Variants in ASH1L observed in about 807,000 individuals in gnomAD.
ASH1L encodes histone-lysine N-methyltransferase ASH1L.
A neutral mutation model predicts 269.0 loss-of-function variants in ASH1L; 23 were observed. That is an observed-to-expected ratio of 0.09 (90% CI 0.06 to 0.12). ASH1L has a LOEUF of 0.12. Ranked by LOEUF, ASH1L falls within the 10% of genes least tolerant of loss-of-function variation. The probability of loss-of-function intolerance (pLI) is 1.00; values close to 1 mark genes in which losing one functional copy is unlikely to be tolerated. For synonymous variants in ASH1L, 1,187 were observed against 1,253.5 expected (o/e 0.95, Z 1.12); for missense variants, 2,912 against 3,567.8 (o/e 0.82, Z 4.68).
At chr1:155,515,045 C>T (rs1299612543) in intron 2 of ASH1L, among the ~76,000 whole-genome samples, 2 of 152,120 alleles carry the variant, frequency 1.3e-5, no homozygotes, top group Non-Finnish European at 2.9e-5. Context: ...TCATGGTCAC[C>T]GTTTGGTGGT....
chr1:155,429,946 C>A (rs1386346101), intron 5 of ASH1L, among the ~76,000 whole-genome samples: 1 of 151,970 alleles, frequency 6.6e-6, no homozygotes, highest in African/African-American at 2.4e-5. Flanking sequence ...GCTGGGACTA[C>A]AGGCACACAT....
At chr1:155,393,474 C>A (rs1178184906) in intron 7 of ASH1L, among the ~76,000 whole-genome samples, 6 of 152,018 alleles carry the variant, frequency 3.9e-5, no homozygotes, top group Non-Finnish European at 7.4e-5. Context: ...TTAATGAACC[C>A]CTTTAAAGCA....
chr1:155,484,938 AAAAAAC>A (rs985821355), intron 2 of ASH1L, among the ~76,000 whole-genome samples: 186 of 134,870 alleles, frequency 1.4e-3, no homozygotes, highest in Middle Eastern at 4.0e-3. Flanking sequence ...CAAAAAAAAA[AAAAAAC>A]AAAAACAAAA....
intron 12 of ASH1L, among the ~76,000 whole-genome samples, chr1:155,367,575 G>A (rs1270182861): frequency 6.6e-6 from 1 of 152,012 alleles, no homozygotes; most frequent in East Asian, 1.9e-4. Flanking sequence ...TATAATGGTA[G>A]CTAAAGATTT....
chr1:155,346,529 G>A (rs1209509631), intron 20 of ASH1L, 60 bp from the exon 21 acceptor site: 2 of 1,456,574 alleles, frequency 1.4e-6, no homozygotes, highest in African/African-American at 1.4e-5. Context: ...GAGTGTCCTG[G>A]GAGCCCAGAA....
intron 16 of ASH1L, among the ~76,000 whole-genome samples, chr1:155,353,115 A>C (rs1176054172): frequency 1.3e-5 from 2 of 152,220 alleles, no homozygotes; most frequent in Non-Finnish European, 2.9e-5. Flanking sequence ...CTGGGCTTCA[A>C]AATGAATCTA....
At chr1:155,523,338 AC>A (rs1340090226) in intron 1 of ASH1L, among the ~76,000 whole-genome samples, 4 of 152,086 alleles carry the variant, frequency 2.6e-5, no homozygotes, top group Non-Finnish European at 5.9e-5. Flanking sequence ...CTAAAAAAGT[AC>A]AAAAATTAGC....
intron 3 of ASH1L, among the ~76,000 whole-genome samples, chr1:155,472,833 C>T (rs1665206404): frequency 6.6e-6 from 1 of 152,122 alleles, no homozygotes; most frequent in African/African-American, 2.4e-5. Flanking sequence ...GTGTAGAGAT[C>T]ATCACAAAGA....
Position 155,354,547 on chromosome 1 carries a change from C to G in ASH1L, c.7139G>C (p.Ser2380Thr). Residue 2380 changes from serine (S) to threonine (T), a missense_variant, in exon 16 of 28, where the codon AGT (serine) becomes ACT (threonine). Around this residue, in one of 13 missense-constraint regions of ASH1L, gnomAD observed 309 missense variants for 435.1 expected, o/e 0.71. Coordinates refer to ENST00000392403, the MANE Select transcript of ASH1L (RefSeq NM_018489.3). ...TAATGATGCTGAGTGAATATTATCA[C>G]TGGTGTGCTTTACTTCCTCCTGTTT... ...RQKQEEVKHT[S>T]DNIHSASLYT... The G allele has an allele frequency of 6.2e-7, 1 of 1,614,004 alleles. No individual in the cohort carries two copies. Among genetic ancestry groups the G allele is most frequent in the Admixed American group, 1.7e-5 (1 of 59,964 alleles).
intron 1 of ASH1L, among the ~76,000 whole-genome samples, chr1:155,548,650 G>T (rs1422576872): frequency 6.6e-6 from 1 of 152,180 alleles, no homozygotes. Context: ...ATTATCAAAA[G>T]ATTCTCTTTT....
At chr1:155,551,062 C>A (rs1259195602) in intron 1 of ASH1L, among the ~76,000 whole-genome samples, 1 of 152,098 alleles carries the variant, frequency 6.6e-6, no homozygotes, top group Admixed American at 6.6e-5. Flanking sequence ...CTCAAGCAAT[C>A]CCCCCACCTC....
At chr1:155,368,601 C>T (rs996536195) in intron 12 of ASH1L, among the ~76,000 whole-genome samples, 2 of 151,918 alleles carry the variant, frequency 1.3e-5, no homozygotes, top group African/African-American at 4.8e-5. Context: ...GGATTACAAG[C>T]GCCTACCACC....
At chr1:155,452,183 C>T (rs1212715687) in intron 4 of ASH1L, among the ~76,000 whole-genome samples, 1 of 151,212 alleles carries the variant, frequency 6.6e-6, no homozygotes, top group African/African-American at 2.4e-5. Context: ...GGATTACAGG[C>T]GCCCGCCATC....
Position 155,348,812 on chromosome 1 carries a change from T to G in ASH1L, c.7554+515A>C, listed in dbSNP as rs575265043. On this transcript the variant is annotated intron_variant, in intron 19 of 27. Coordinates refer to ENST00000392403, the MANE Select transcript of ASH1L (RefSeq NM_018489.3). ...AGGAGAATCGCTTGAACCCGGGAGG[T>G]GGAGGTTGCAGTGAGCTGAGATCAC... is the stretch of plus-strand genomic sequence containing the variant. 3.0e-3 allele frequency among the ~76,000 whole-genome samples: 450 copies of G among 147,932 alleles called. 1 individual carries two copies. The highest frequency in any genetic ancestry group is 4.9e-3 in the Non-Finnish European group (329 of 67,156).
chr1:155,359,906 C>A (rs1654789600), intron 13 of ASH1L, among the ~76,000 whole-genome samples: 1 of 148,844 alleles, frequency 6.7e-6, no homozygotes, highest in Non-Finnish European at 1.5e-5. Context: ...TTTTTTGAGA[C>A]AGAGTCAGTC....
At chr1:155,365,505 G>A (rs1655337782) in intron 12 of ASH1L, among the ~76,000 whole-genome samples, 1 of 151,516 alleles carries the variant, frequency 6.6e-6, no homozygotes, top group Non-Finnish European at 1.5e-5. Flanking sequence ...TTACAGGCAT[G>A]AGCCACCATG....
chr1:155,446,035 C>CT (rs77905341), intron 4 of ASH1L, among the ~76,000 whole-genome samples: 2,678 of 119,936 alleles, frequency 0.022, 83 homozygotes, highest in African/African-American at 0.062. Flanking sequence ...CTACACTGTA[C>CT]TTTTTTTTTT....
Position 155,441,699 on chromosome 1 carries a change from C to A in ASH1L, c.5087-2631G>T, listed in dbSNP as rs145424410. Among the ~76,000 whole-genome samples the A allele has an allele frequency of 3.7e-3, 561 of 150,986 alleles. 4 individuals carry two copies. Among genetic ancestry groups the A allele is most frequent in the African/African-American group, 0.013 (537 of 41,092 alleles). ...GCCAGGATGGTCTTGATCTCCTGAC[C>A]TCATGATCTGCCCGCCTCGGCCTCC... On this transcript the variant is annotated intron_variant, in intron 4 of 27. Coordinates refer to ENST00000392403, the MANE Select transcript of ASH1L (RefSeq NM_018489.3).
chr1:155,558,998 C>T (rs1390663353), intron 1 of ASH1L, among the ~76,000 whole-genome samples: 2 of 151,428 alleles, frequency 1.3e-5, no homozygotes, highest in African/African-American at 4.9e-5. Context: ...GCACACACAC[C>T]ATGCCTGGCT....
Sources: gnomAD v4.1 joint callset for allele counts (sites outside exome capture counted in the v4.1 genomes callset) on GRCh38, gnomAD v4.1.1 for gene constraint, gnomAD v4.1.1 regional missense constraint, MANE v1.5 for transcripts, NCBI Gene and HGNC (gene_info 2026-07-23, HGNC 2026-07-21) for gene names.